Variants in SEMA4A observed in about 807,000 individuals in gnomAD.
The protein encoded by SEMA4A is semaphorin 4A.
SEMA4A carries 52 observed loss-of-function variants against 72.5 expected under a neutral mutation model. The ratio of observed to expected loss-of-function variants is 0.72; its 90% CI spans 0.57 to 0.90. SEMA4A has a LOEUF of 0.90. Among genes scored for constraint, SEMA4A ranks in the 40% least tolerant of loss-of-function variants. The probability of loss-of-function intolerance (pLI) is 0.00; values close to 1 mark genes in which losing one functional copy is unlikely to be tolerated. For synonymous variants in SEMA4A, 369 were observed against 393.1 expected (o/e 0.94, Z 0.73); for missense variants, 926 against 959.7 (o/e 0.96, Z 0.46).
chr1:156,174,862 C>G lies in SEMA4A; in HGVS notation c.1356C>G (p.Ser452Arg), dbSNP rs1003920937. 14 of 1,614,084 alleles carry G rather than the reference C, an allele frequency of 8.7e-6. No individual in the cohort carries two copies. Among genetic ancestry groups the G allele is most frequent in the Non-Finnish European group, 1.2e-5 (14 of 1,180,032 alleles). Residue 452 changes from serine (S) to arginine (R), a missense_variant, in exon 12 of 15, where the codon AGC (serine) becomes AGG (arginine). Ser to Arg is a moderately radical substitution (Grantham distance 110). Transcript: ENST00000368285. ...SLHKAVVSGD[S>R]SAHLVEEIQL... ...ACAAGGCTGTGGTAAGTGGGGACAG[C>G]AGTGCTCATCTGGTGGAAGAGATTC...
rs527537530 is a variant in SEMA4A, at chr1:156,159,737, C to A, written c.569-706C>A. ...CAGCTTGGGCAATAGTATAGTGAGACCTCGTCTCTACTAAAAACAAAACAA... is the reference window on the plus strand; with the variant it reads ...CAGCTTGGGCAATAGTATAGTGAGAACTCGTCTCTACTAAAAACAAAACAA... On this transcript the variant is annotated intron_variant, in intron 6 of 14. Coordinates refer to ENST00000368285, the MANE Select transcript of SEMA4A (RefSeq NM_022367.4). Among the ~76,000 whole-genome samples the A allele has an allele frequency of 1.3e-3, 199 of 151,980 alleles. 2 individuals are homozygous for A. In the South Asian group the frequency reaches 0.04, roughly 31 times the overall value.
intron 8 of SEMA4A, 43 bp from the exon 9 acceptor site, chr1:156,161,303 T>TTGGGG: frequency 3.5e-6 from 1 of 289,174 alleles, no homozygotes; most frequent in Non-Finnish European, 4.4e-6. Flanking sequence ...GGCTGGGGGG[T>TTGGGG]CGGGGCGCCC....
chr1:156,147,677 T>C (rs1181972278), upstream of SEMA4A, among the ~76,000 whole-genome samples: 1 of 152,030 alleles, frequency 6.6e-6, no homozygotes, highest in Non-Finnish European at 1.5e-5. Flanking sequence ...CCCCAAGACC[T>C]TCATTTTCTA....
chr1:156,176,240 G>C (rs1053809018), intron 14 of SEMA4A, among the ~76,000 whole-genome samples, 165 bp from the exon 15 acceptor site: 8 of 151,158 alleles, frequency 5.3e-5, no homozygotes, highest in African/African-American at 1.9e-4. Context: ...AGGTTGCAGT[G>C]AGCTGAGGTT....
At chr1:156,158,218 G>A in intron 4 of SEMA4A, 86 bp downstream of exon 4, 1 of 1,436,120 alleles carries the variant, frequency 7.0e-7, no homozygotes, top group Non-Finnish European at 9.8e-7. Flanking sequence ...AGGTTGGGCG[G>A]CAGTGGAGGG....
intron 6 of SEMA4A, among the ~76,000 whole-genome samples, chr1:156,159,938 AG>A (rs1653420247): frequency 7.4e-6 from 1 of 135,348 alleles, no homozygotes; most frequent in Non-Finnish European, 1.6e-5. Context: ...AAAAAAAAAA[AG>A]GGAGAGAGAA....
intron 10 of SEMA4A, among the ~76,000 whole-genome samples, chr1:156,165,541 A>G (rs1266024834): frequency 6.6e-6 from 1 of 152,090 alleles, no homozygotes; most frequent in Non-Finnish European, 1.5e-5. Flanking sequence ...TTTCCTTCAA[A>G]CTTTGAAGGC....
intron 10 of SEMA4A, among the ~76,000 whole-genome samples, chr1:156,169,667 G>A (rs1241525763): frequency 1.4e-4 from 21 of 150,636 alleles, no homozygotes; most frequent in Middle Eastern, 3.4e-3. Context: ...TGATCCGCCC[G>A]TCTCAGCCTC....
At chr1:156,155,983 G>A (rs562705100) in intron 2 of SEMA4A, 1 of 261,130 alleles carries the variant, frequency 3.8e-6, no homozygotes, top group Admixed American at 4.8e-5. Flanking sequence ...AGGGGTGGTT[G>A]GGGGGATGGC....
chr1:156,163,487 C>T (rs985001524), intron 10 of SEMA4A, among the ~76,000 whole-genome samples: 4 of 151,846 alleles, frequency 2.6e-5, no homozygotes, highest in East Asian at 1.9e-4. Flanking sequence ...TTGGGGAGGC[C>T]GAGGCAGGTG....
Position 156,176,444 on chromosome 1 carries a change from T to A in SEMA4A, c.1733T>A (p.Leu578His), listed in dbSNP as rs1028987356. 1.2e-6 allele frequency: 2 copies of A among 1,613,966 alleles called. No homozygotes were observed. Among genetic ancestry groups the A allele is most frequent in the Non-Finnish European group, 1.7e-6 (2 of 1,180,006 alleles). ...VLAVPNSILELPCPHLSALAS... is the reference protein window; with the variant it reads ...VLAVPNSILEHPCPHLSALAS... ...GCTGTCCCCAACTCCATCCTGGAGCTCCCCTGCCCCCACCTGTCAGCCTTG... is the reference window on the plus strand; with the variant it reads ...GCTGTCCCCAACTCCATCCTGGAGCACCCCTGCCCCCACCTGTCAGCCTTG... Residue 578 changes from leucine (L) to histidine (H), a missense_variant, in exon 15 of 15, where the codon CTC becomes CAC. Physicochemically the swap from Leu to His is moderately conservative, Grantham distance 99 (BLOSUM62 -3). Transcript: ENST00000368285.
At chr1:156,162,215 C>G (rs1382268861) in intron 9 of SEMA4A, among the ~76,000 whole-genome samples, 1 of 152,190 alleles carries the variant, frequency 6.6e-6, no homozygotes, top group South Asian at 2.1e-4. Flanking sequence ...GAGCCAAGAT[C>G]GCACCACTGC....
At chr1:156,153,309 C>T (rs1412655998), upstream of SEMA4A, 1 of 152,104 alleles carries the variant, frequency 6.6e-6, no homozygotes, top group East Asian at 1.9e-4. Context: ...TATGTCATGT[C>T]CCCTATCTGG....
At chr1:156,169,407 C>CTTT (rs766983966) in intron 10 of SEMA4A, among the ~76,000 whole-genome samples, 32 of 85,298 alleles carry the variant, frequency 3.8e-4, no homozygotes, top group African/African-American at 5.9e-4. Flanking sequence ...CTTTTCTTTT[C>CTTT]TTTTTTTTTT....
chr1:156,168,378 C>T (rs1222523941), intron 10 of SEMA4A, among the ~76,000 whole-genome samples: 6 of 152,022 alleles, frequency 3.9e-5, no homozygotes, highest in South Asian at 4.2e-4. Context: ...CCCACCACCA[C>T]GCCCAGCTAA....
intron 10 of SEMA4A, among the ~76,000 whole-genome samples, chr1:156,169,871 A>G (rs1236008902): frequency 1.3e-5 from 2 of 151,744 alleles, no homozygotes; most frequent in African/African-American, 2.4e-5. Context: ...CTAAAAATAC[A>G]AAAATTAGCT....
chr1:156,177,031 A>T lies in SEMA4A; in HGVS notation c.*34A>T. 6.3e-7 allele frequency: 1 copy of T among 1,586,506 alleles called. No homozygotes were observed. Among genetic ancestry groups the T allele is most frequent in the Non-Finnish European group, 8.6e-7 (1 of 1,166,770 alleles). The stretch of plus-strand genomic sequence containing the variant: ...CACAGGCCGGGGCTGCGGTGCAGGC[A>T]CCTGGCCATGCTGGCTGGGCGGCCC... On this transcript the variant is annotated 3_prime_UTR_variant, in exon 15 of 15. Coordinates refer to ENST00000368285, the MANE Select transcript of SEMA4A (RefSeq NM_022367.4).
Position 156,175,581 on chromosome 1 carries a change from C to CT in SEMA4A, c.1618_1619insT (p.Arg540LeufsTer27). ...GAACTCCTGGAAGCAGGACATGGAG[C>CT]GGGGGAACCCAGAGTGGGCATGTGC... On this transcript the variant is annotated frameshift_variant, in exon 14 of 15. Transcript: ENST00000368285. LOFTEE classifies it high-confidence loss of function. 1 of 1,613,522 alleles carries CT rather than the reference C, an allele frequency of 6.2e-7. No homozygotes were observed. Among genetic ancestry groups the CT allele is most frequent in the African/African-American group, 1.3e-5 (1 of 75,040 alleles).
At position 156,164,047 on chromosome 1, in the gene SEMA4A, T is replaced by C. The variant is rs922149399; in HGVS notation, c.1134+953T>C. Among the ~76,000 whole-genome samples, 3 of 61,848 alleles carry C rather than the reference T, an allele frequency of 4.9e-5. No individual in the cohort carries two copies. In the Admixed American group the frequency reaches 5.1e-4, roughly 10 times the overall value. The allele number at this position is 61,848 out of a possible 152,430, so 40.6% of individuals were successfully genotyped here. On this transcript the variant is annotated intron_variant, in intron 10 of 14. Transcript: ENST00000368285. ...TGCTGTCTCTAAAGAAGTTTTTAAA[T>C]GAAAAAAAAAAAAAAAAAATCACAG... is the stretch of plus-strand genomic sequence containing the variant.
Sources: allele counts gnomAD v4.1 joint callset (sites outside exome capture counted in the v4.1 genomes callset), GRCh38; gene constraint gnomAD v4.1.1; transcripts MANE v1.5; gene names NCBI Gene and HGNC (gene_info 2026-07-23, HGNC 2026-07-21).